Variants in TTC1 observed in about 807,000 individuals in gnomAD.
TTC1 encodes the protein tetratricopeptide repeat protein 1.
Under a neutral mutation model 37.6 loss-of-function variants are expected in TTC1, and 31 were observed. That is an observed-to-expected ratio of 0.82 (90% CI 0.62 to 1.11). TTC1 has a LOEUF of 1.11. Among genes scored for constraint, TTC1 ranks in the 50% most tolerant of loss-of-function variants. The probability of loss-of-function intolerance (pLI) is 0.00; values close to 1 mark genes in which losing one functional copy is unlikely to be tolerated. For missense variants in TTC1, 351 were observed against 339.0 expected, an observed-to-expected ratio of 1.04 and a Z score of -0.28; for synonymous variants, 127 against 122.4, an observed-to-expected ratio of 1.04 and a Z score of -0.25.
At chr5:160,014,339 C>G (rs1057053668) in intron 2 of TTC1, among the ~76,000 whole-genome samples, 6 of 151,636 alleles carry the variant, frequency 4.0e-5, no homozygotes, top group Non-Finnish European at 7.4e-5. Context: ...GCCTGGGAGA[C>G]AAGAGCAAAA....
At chr5:160,060,562 C>T (rs1421398877) in intron 7 of TTC1, among the ~76,000 whole-genome samples, 1 of 152,192 alleles carries the variant, frequency 6.6e-6, no homozygotes, top group East Asian at 1.9e-4. Context: ...TCATTGATTA[C>T]TGTCCAGATA....
intron 5 of TTC1, among the ~76,000 whole-genome samples, chr5:160,043,867 G>A (rs1283506849): frequency 3.9e-5 from 6 of 152,060 alleles, no homozygotes; most frequent in African/African-American, 1.5e-4. Flanking sequence ...AATGAATCAA[G>A]CCTTTGCTAT....
intron 2 of TTC1, chr5:160,024,011 C>T (rs956301797): frequency 5.5e-6 from 8 of 1,461,692 alleles, no homozygotes; most frequent in Non-Finnish European, 5.8e-6. Context: ...TGCAAAGTGG[C>T]CTTTACAGCC....
chr5:160,035,095 A>G lies in TTC1; in HGVS notation c.331-45A>G, dbSNP rs1258920739. The G allele has an allele frequency of 2.6e-6, 4 of 1,524,594 alleles. 1 individual carries two copies. Among genetic ancestry groups the G allele is most frequent in the South Asian group, 2.6e-5 (2 of 78,006 alleles). 94.4% of individuals were successfully genotyped at this position (1,524,594 alleles called of 1,614,324 possible). A position where few individuals can be genotyped will look rare whatever the true frequency, so the allele number is the denominator to read the frequency against. ...GGAAAGCTCACCTTTTTGTTCACTT[A>G]TAATAATATTGTGAGAAATTATGTA... On this transcript the variant is annotated intron_variant, in intron 2 of 7. Coordinates refer to ENST00000231238, the MANE Select transcript of TTC1 (RefSeq NM_003314.3).
chr5:160,051,308 C>T, intron 7 of TTC1, 125 bp downstream of exon 7: 2 of 723,800 alleles, frequency 2.8e-6, no homozygotes, highest in Admixed American at 2.7e-5. Context: ...CTACTGACTT[C>T]TGAGTTATTT....
At position 160,064,988 on chromosome 5, in the gene TTC1, A is replaced by G. The variant is rs1352331159; in HGVS notation, c.802A>G (p.Asn268Asp). The G allele has an allele frequency of 6.2e-7, 1 of 1,614,060 alleles. No homozygotes were observed. The highest frequency in any genetic ancestry group is 8.5e-7 in the Non-Finnish European group (1 of 1,180,026). The change falls in exon 8 of 8, where the codon AAT (asparagine) becomes GAT (aspartate). Residue 268 changes from asparagine (N) to aspartate (D), a missense_variant. Transcript: ENST00000231238. ...CCGACCTTTTGGGCTCTCCACGGAA[A>G]ATTTCCAGATCAAACAGGATTCCTC... ...VLRPFGLSTE[N>D]FQIKQDSSTG...
chr5:160,047,545 C>G (rs1482455405), intron 5 of TTC1, among the ~76,000 whole-genome samples: 2 of 152,196 alleles, frequency 1.3e-5, no homozygotes, highest in Non-Finnish European at 2.9e-5. Flanking sequence ...AGTCTTGCCC[C>G]ACCCGCCAAC....
chr5:160,026,358 T>A (rs1581097915), intron 2 of TTC1, among the ~76,000 whole-genome samples: 1 of 152,244 alleles, frequency 6.6e-6, no homozygotes, highest in Non-Finnish European at 1.5e-5. Flanking sequence ...TTTTTCCATA[T>A]GTATTGTACC....
intron 4 of TTC1, among the ~76,000 whole-genome samples, chr5:160,039,916 A>G (rs1252137937): frequency 6.6e-6 from 1 of 152,228 alleles, no homozygotes; most frequent in Non-Finnish European, 1.5e-5. Context: ...GTGGTAAAAT[A>G]CAGATAACAT....
intron 2 of TTC1, among the ~76,000 whole-genome samples, chr5:160,032,833 A>G (rs189105869): frequency 7.0e-6 from 1 of 141,894 alleles, no homozygotes; most frequent in East Asian, 2.1e-4. Flanking sequence ...CCTGCCTCAG[A>G]CTCCTGAGTA....
chr5:160,038,846 A>C (rs1313437952), intron 4 of TTC1: 1 of 151,962 alleles, frequency 6.6e-6, no homozygotes, highest in Non-Finnish European at 1.5e-5. Context: ...TATTTTTAGT[A>C]GAGACAGAGT....
At position 160,051,125 on chromosome 5, in the gene TTC1, TC is replaced by T; in HGVS notation, c.691-3del. 6.3e-7 allele frequency: 1 copy of T among 1,595,550 alleles called. No individual in the cohort carries two copies. Among genetic ancestry groups the T allele is most frequent in the Non-Finnish European group, 8.5e-7 (1 of 1,169,744 alleles). ...CCAACCCTTGTTTCTCCTCTTTTCC[TC>T]AGAGATTACCTAAGCAAATTGAAGA... On this transcript the variant is annotated splice_region_variant and splice_polypyrimidine_tract_variant and intron_variant, in intron 6 of 7. Coordinates refer to ENST00000231238, the MANE Select transcript of TTC1 (RefSeq NM_003314.3).
At chr5:160,013,742 CAAA>C (rs35968051) in intron 2 of TTC1, among the ~76,000 whole-genome samples, 8 of 92,154 alleles carry the variant, frequency 8.7e-5, no homozygotes, top group Admixed American at 1.1e-4. Flanking sequence ...GACTCTGTCT[CAAA>C]AAAAAAAAAA....
chr5:160,014,785 C>A (rs928340147), intron 2 of TTC1, among the ~76,000 whole-genome samples: 3 of 152,158 alleles, frequency 2.0e-5, no homozygotes, highest in African/African-American at 4.8e-5. Flanking sequence ...AACGCTGATT[C>A]TCTTGTAGCC....
At chr5:160,021,687 G>A (rs983648413) in intron 2 of TTC1, among the ~76,000 whole-genome samples, 1 of 152,158 alleles carries the variant, frequency 6.6e-6, no homozygotes, top group African/African-American at 2.4e-5. Flanking sequence ...TGTATGTAAA[G>A]CAAGTGATAT....
intron 3 of TTC1, among the ~76,000 whole-genome samples, chr5:160,035,435 A>G (rs914317296): frequency 2.0e-5 from 3 of 152,190 alleles, no homozygotes; most frequent in Non-Finnish European, 4.4e-5. Flanking sequence ...GTAATCCACT[A>G]TCTGTTAGTC....
At chr5:160,025,920 T>C (rs914870378) in intron 2 of TTC1, among the ~76,000 whole-genome samples, 1 of 152,226 alleles carries the variant, frequency 6.6e-6, no homozygotes, top group Non-Finnish European at 1.5e-5. Flanking sequence ...ATGTTAGATC[T>C]GTCCTAGCTC....
chr5:160,036,076 A>G (rs1216747551), intron 3 of TTC1, among the ~76,000 whole-genome samples: 1 of 152,098 alleles, frequency 6.6e-6, no homozygotes, highest in Non-Finnish European at 1.5e-5. Flanking sequence ...AACCTGAGAA[A>G]GGAGTACATA....
At chr5:160,050,120 T>C (rs547790810) in intron 6 of TTC1, among the ~76,000 whole-genome samples, 1 of 151,374 alleles carries the variant, frequency 6.6e-6, no homozygotes, top group East Asian at 2.0e-4. Context: ...CTGCATTCCA[T>C]CATGGGCAAC....
Sources: gnomAD v4.1 joint callset for allele counts (sites outside exome capture counted in the v4.1 genomes callset) on GRCh38, gnomAD v4.1.1 for gene constraint, MANE v1.5 for transcripts, NCBI Gene and HGNC (gene_info 2026-07-23, HGNC 2026-07-21) for gene names.